The following GRM8 variants were observed in gnomAD, a reference collection of about 807,000 sequenced individuals.
The protein encoded by GRM8 is glutamate metabotropic receptor 8.
Under a neutral mutation model 87.2 loss-of-function variants are expected in GRM8, and 47 were observed. The ratio of observed to expected loss-of-function variants is 0.54; its 90% CI spans 0.43 to 0.69. The LOEUF (loss-of-function observed/expected upper bound fraction) is 0.69, where lower values mean the gene tolerates loss of function less well. Ranked by LOEUF, GRM8 falls within the 30% of genes least tolerant of loss-of-function variation. GRM8 has a pLI of 0.00. For missense variants in GRM8, 1,019 were observed against 1,139.2 expected, an observed-to-expected ratio of 0.89 and a Z score of 1.52; for synonymous variants, 396 against 404.5, an observed-to-expected ratio of 0.98 and a Z score of 0.25.
intron 2 of GRM8, among the ~76,000 whole-genome samples, chr7:127,138,495 T>G (rs1295057949): frequency 6.6e-6 from 1 of 152,168 alleles, no homozygotes; most frequent in Non-Finnish European, 1.5e-5. Context: ...ATTTTCTTCA[T>G]GGCTTCTCAT....
intron 7 of GRM8, among the ~76,000 whole-genome samples, chr7:126,690,328 C>A (rs1808665349): frequency 6.6e-6 from 1 of 152,168 alleles, no homozygotes; most frequent in Non-Finnish European, 1.5e-5. Flanking sequence ...TGGGATCCAG[C>A]AACTGTGCAC....
intron 3 of GRM8, among the ~76,000 whole-genome samples, chr7:126,945,977 A>G (rs1807491163): frequency 6.6e-6 from 1 of 152,170 alleles, no homozygotes; most frequent in South Asian, 2.1e-4. Context: ...ACACATATTC[A>G]TGTGTTCAAT....
chr7:127,012,019 T>C (rs1187833945), intron 3 of GRM8, among the ~76,000 whole-genome samples: 1 of 152,150 alleles, frequency 6.6e-6, no homozygotes, highest in Non-Finnish European at 1.5e-5. Context: ...AAAAACAACA[T>C]TTGGTGTCAA....
chr7:127,070,324 T>C (rs17869347), intron 3 of GRM8, among the ~76,000 whole-genome samples: 1,683 of 152,242 alleles, frequency 0.011, 27 homozygotes, highest in African/African-American at 0.037. Flanking sequence ...GATTGTTTTC[T>C]AAGAAAAATC....
chr7:127,092,497 A>G (rs903388411), intron 3 of GRM8, among the ~76,000 whole-genome samples: 11 of 152,204 alleles, frequency 7.2e-5, no homozygotes, highest in African/African-American at 2.7e-4. Flanking sequence ...GGAGTTTGAG[A>G]TGAGCCTGGG....
chr7:126,854,615 G>A (rs748802380), intron 6 of GRM8, among the ~76,000 whole-genome samples: 2 of 152,062 alleles, frequency 1.3e-5, no homozygotes, highest in African/African-American at 2.4e-5. Flanking sequence ...GCTCTTCCAC[G>A]CATCTACATT....
At chr7:126,792,526 G>C (rs1056940626) in intron 6 of GRM8, among the ~76,000 whole-genome samples, 2 of 152,124 alleles carry the variant, frequency 1.3e-5, no homozygotes, top group Non-Finnish European at 2.9e-5. Flanking sequence ...TAAGCAATTA[G>C]GTACTGTTAC....
At chr7:126,440,017 T>C (rs1241519575) in intron 10 of GRM8, among the ~76,000 whole-genome samples, 1 of 151,962 alleles carries the variant, frequency 6.6e-6, no homozygotes, top group Non-Finnish European at 1.5e-5. Context: ...TTAAAAAGAA[T>C]AAAAAGTTCA....
At chr7:127,239,874 G>A (rs1256850558) in intron 2 of GRM8, among the ~76,000 whole-genome samples, 2 of 152,136 alleles carry the variant, frequency 1.3e-5, no homozygotes, top group South Asian at 2.1e-4. Context: ...TCTCACTGAC[G>A]GACTTTTGAA....
At chr7:127,113,650 T>C (rs930489453) in intron 2 of GRM8, among the ~76,000 whole-genome samples, 5 of 152,096 alleles carry the variant, frequency 3.3e-5, no homozygotes, top group African/African-American at 7.2e-5. Context: ...CCTTAGGGGG[T>C]AGTGCTTGAC....
chr7:127,097,546 A>T (rs1304426021), intron 3 of GRM8, among the ~76,000 whole-genome samples: 4 of 152,218 alleles, frequency 2.6e-5, no homozygotes, highest in African/African-American at 9.6e-5. Flanking sequence ...ACCAGGCAAC[A>T]TACCTACCAT....
chr7:126,551,999 T>C (rs768116996), intron 8 of GRM8, among the ~76,000 whole-genome samples: 21 of 152,170 alleles, frequency 1.4e-4, no homozygotes, highest in Non-Finnish European at 2.9e-4. Context: ...ATGAAAATTA[T>C]ATGCTTCACT....
chr7:127,059,614 G>C (rs909600792), intron 3 of GRM8, among the ~76,000 whole-genome samples: 4 of 152,146 alleles, frequency 2.6e-5, no homozygotes, highest in African/African-American at 9.7e-5. Flanking sequence ...GGGATGACAG[G>C]CATGAGCCAC....
intron 6 of GRM8, among the ~76,000 whole-genome samples, chr7:126,885,749 G>T (rs944327764): frequency 3.3e-5 from 5 of 152,262 alleles, no homozygotes; most frequent in African/African-American, 9.6e-5. Context: ...ACTCATTCAA[G>T]AATGGTTTCA....
At chr7:126,788,412 A>AAAAAAAAAAAAAAAAAAAAAAAAC (rs1820878706) in intron 6 of GRM8, among the ~76,000 whole-genome samples, 1 of 147,530 alleles carries the variant, frequency 6.8e-6, no homozygotes, top group Non-Finnish European at 1.5e-5. Context: ...TCCATCTCAA[A>AAAAAAAAAAAAAAAAAAAAAAAAC]AAAAAAAAAA....
intron 6 of GRM8, among the ~76,000 whole-genome samples, chr7:126,874,072 C>T (rs1450062718): frequency 6.6e-6 from 1 of 151,986 alleles, no homozygotes; most frequent in African/African-American, 2.4e-5. Context: ...CTTTAAATAT[C>T]ATTTGTGTTG....
chr7:126,960,600 G>C (rs1181040418), intron 3 of GRM8, among the ~76,000 whole-genome samples: 1 of 152,102 alleles, frequency 6.6e-6, no homozygotes, highest in Admixed American at 6.5e-5. Flanking sequence ...TCTTTATTTT[G>C]GGCAGACATA....
intron 9 of GRM8, among the ~76,000 whole-genome samples, chr7:126,459,351 G>A (rs1004742650): frequency 1.3e-4 from 15 of 118,414 alleles, no homozygotes; most frequent in Admixed American, 7.9e-4. Context: ...ACAGAATGAT[G>A]ATGACCCTGC....
At chr7:126,984,071 A>G (rs1332625944) in intron 3 of GRM8, among the ~76,000 whole-genome samples, 2 of 152,188 alleles carry the variant, frequency 1.3e-5, no homozygotes, top group African/African-American at 4.8e-5. Flanking sequence ...GTGACATAAG[A>G]TTTATTGACT....
Sources: allele counts gnomAD v4.1 joint callset (sites outside exome capture counted in the v4.1 genomes callset), GRCh38; gene constraint gnomAD v4.1.1; transcripts MANE v1.5; gene names NCBI Gene and HGNC (gene_info 2026-07-23, HGNC 2026-07-21).